The following AXDND1 variants were observed in gnomAD, a reference collection of about 807,000 sequenced individuals.
The protein encoded by AXDND1 is axonemal dynein light chain domain-containing protein 1.
AXDND1 carries 110 observed loss-of-function variants against 137.5 expected under a neutral mutation model. That is an observed-to-expected ratio of 0.80 (90% CI 0.69 to 0.94). The LOEUF (loss-of-function observed/expected upper bound fraction) is 0.94, where lower values mean the gene tolerates loss of function less well. Among genes scored for constraint, AXDND1 ranks in the 40% least tolerant of loss-of-function variants. AXDND1 has a pLI of 0.00. For synonymous variants in AXDND1, 414 were observed against 399.7 expected (o/e 1.04, Z -0.43); for missense variants, 1,191 against 1,169.8 (o/e 1.02, Z -0.26).
chr1:179,480,747 A>T (rs4652395), intron 17 of AXDND1, among the ~76,000 whole-genome samples: 69,181 of 151,364 alleles, frequency 0.46, 16,670 homozygotes, highest in East Asian at 0.76. Flanking sequence ...TTGTATTAAG[A>T]CTCTGATCTT....
At chr1:179,512,437 C>A (rs989616335) in intron 21 of AXDND1, among the ~76,000 whole-genome samples, 1 of 152,258 alleles carries the variant, frequency 6.6e-6, no homozygotes, top group East Asian at 1.9e-4. Flanking sequence ...TGTTTTTATA[C>A]CAGTACCATG....
chr1:179,430,118 A>G (rs7555722), intron 13 of AXDND1, among the ~76,000 whole-genome samples: 34,272 of 151,582 alleles, frequency 0.23, 3,931 homozygotes, highest in Non-Finnish European at 0.24. Flanking sequence ...CCAAGGTTAC[A>G]CAGCCAGTAA....
chr1:179,404,492 A>C (rs4557923), intron 11 of AXDND1, among the ~76,000 whole-genome samples: 1 of 95,876 alleles, frequency 1.0e-5, no homozygotes, highest in African/African-American at 3.5e-5. Context: ...AAAGTGCTGG[A>C]ATTACAGGTG....
intron 23 of AXDND1, among the ~76,000 whole-genome samples, chr1:179,529,163 ACT>A (rs1670825985): frequency 6.6e-6 from 1 of 152,166 alleles, no homozygotes. Flanking sequence ...TCAGTGTCTT[ACT>A]CTCTACAGAA....
intron 9 of AXDND1, 64 bp downstream of exon 9, chr1:179,385,423 T>G: frequency 6.3e-7 from 1 of 1,585,110 alleles, no homozygotes; most frequent in South Asian, 1.1e-5. Context: ...TGTCTTTATA[T>G]CTACTTTTGA....
intron 18 of AXDND1, among the ~76,000 whole-genome samples, chr1:179,491,246 A>G (rs1334910652): frequency 6.6e-6 from 1 of 152,158 alleles, no homozygotes; most frequent in Non-Finnish European, 1.5e-5. Flanking sequence ...GGGGAGGTCA[A>G]GGTTGCAGTG....
intron 12 of AXDND1, among the ~76,000 whole-genome samples, chr1:179,426,387 T>C (rs954391518): frequency 1.3e-5 from 2 of 152,228 alleles, no homozygotes; most frequent in Admixed American, 6.5e-5. Context: ...ACCTCACCAA[T>C]CATCAATAAG....
intron 21 of AXDND1, among the ~76,000 whole-genome samples, chr1:179,518,218 C>G (rs551697373): frequency 3.3e-5 from 5 of 152,228 alleles, no homozygotes; most frequent in African/African-American, 9.6e-5. Context: ...TTAATATGAA[C>G]AGGGCTGATT....
rs1164486444 is a variant in AXDND1 at position 179,500,220 on chromosome 1, A to C, written c.2388+7269A>C. On this transcript the variant is annotated intron_variant, in intron 20 of 25. Transcript: ENST00000367618. ...ATGTTAATTTTGTTCTAGGAATGCA[A>C]GTTCGTAATATAACATCTGTAATGT... is the stretch of plus-strand genomic sequence containing the variant. Among the ~76,000 whole-genome samples, 3 of 152,054 alleles carry C rather than the reference A, an allele frequency of 2.0e-5. No individual in the cohort carries two copies. The East Asian group carries it at 5.8e-4, about 29-fold the overall frequency.
intron 20 of AXDND1, 90 bp downstream of exon 20, chr1:179,493,041 A>G (rs1667088226): frequency 3.6e-6 from 3 of 830,928 alleles, no homozygotes; most frequent in Non-Finnish European, 5.7e-6. Context: ...ACAAGCTCAC[A>G]TATTTAAAGA....
At chr1:179,488,604 T>C (rs142951002) in intron 18 of AXDND1, among the ~76,000 whole-genome samples, 1,502 of 91,660 alleles carry the variant, frequency 0.016, 137 homozygotes, top group Non-Finnish European at 0.018. Context: ...CTTTCTTTCT[T>C]TTTCTTTCTT....
At chr1:179,407,869 G>A (rs891629856) in intron 11 of AXDND1, among the ~76,000 whole-genome samples, 8 of 152,048 alleles carry the variant, frequency 5.3e-5, no homozygotes, top group South Asian at 2.1e-4. Context: ...TTCTCTTTCC[G>A]AAACTCCCCA....
chr1:179,395,288 A>T (rs1196210568), intron 11 of AXDND1, 86 bp downstream of exon 11: 4 of 1,022,034 alleles, frequency 3.9e-6, no homozygotes, highest in South Asian at 1.7e-5. Context: ...TGATACTATA[A>T]CTTCTTGAAT....
At position 179,401,711 on chromosome 1, in the gene AXDND1, G is replaced by A. The variant is rs544330909; in HGVS notation, c.1109+6509G>A. On this transcript the variant is annotated intron_variant, in intron 11 of 25. Transcript: ENST00000367618. ...CCCTGTACTGTTCTCGTGGTAGTAAGTCTCACGAGACCTGATTGTTTTATA... is the reference window on the plus strand; with the variant it reads ...CCCTGTACTGTTCTCGTGGTAGTAAATCTCACGAGACCTGATTGTTTTATA... Among the ~76,000 whole-genome samples, 4 of 152,202 alleles carry A rather than the reference G, an allele frequency of 2.6e-5. No homozygotes were observed. In the East Asian group the frequency reaches 7.7e-4, roughly 29 times the overall value.
chr1:179,533,370 A>G (rs994734271), intron 23 of AXDND1, among the ~76,000 whole-genome samples: 5 of 152,160 alleles, frequency 3.3e-5, no homozygotes, highest in African/African-American at 1.2e-4. Flanking sequence ...ACTTCATTGG[A>G]TTTTGCAATG....
chr1:179,488,610 T>C (rs1182730496), intron 18 of AXDND1, among the ~76,000 whole-genome samples: 2 of 96,132 alleles, frequency 2.1e-5, no homozygotes. Context: ...TTCTTTTTCT[T>C]TCTTTCTTTC....
At chr1:179,377,979 G>A (rs1423067389) in intron 4 of AXDND1, among the ~76,000 whole-genome samples, 1 of 152,056 alleles carries the variant, frequency 6.6e-6, no homozygotes, top group Non-Finnish European at 1.5e-5. Context: ...GACCAGCGTG[G>A]CCAACGTGGC....
intron 11 of AXDND1, among the ~76,000 whole-genome samples, chr1:179,402,278 T>C (rs1209033400): frequency 6.6e-6 from 1 of 152,192 alleles, no homozygotes; most frequent in Non-Finnish European, 1.5e-5. Flanking sequence ...TATATACTAC[T>C]TTTTTCTGTA....
chr1:179,372,768 CT>C, intron 4 of AXDND1, among the ~76,000 whole-genome samples: 1 of 152,124 alleles, frequency 6.6e-6, no homozygotes, highest in Non-Finnish European at 1.5e-5. Flanking sequence ...ACCACAACCT[CT>C]GCCTCCCGGG....
Sources: allele counts gnomAD v4.1 joint callset (sites outside exome capture counted in the v4.1 genomes callset), GRCh38; gene constraint gnomAD v4.1.1; transcripts MANE v1.5; gene names NCBI Gene and HGNC (gene_info 2026-07-23, HGNC 2026-07-21).